The following NEXMIF variants were observed in gnomAD, a reference collection of about 807,000 sequenced individuals.
NEXMIF encodes neurite extension and migration factor.
NEXMIF carries 8 observed loss-of-function variants against 62.1 expected under a neutral mutation model. That is an observed-to-expected ratio of 0.13 (90% CI 0.08 to 0.23). The LOEUF (loss-of-function observed/expected upper bound fraction) is 0.23, where lower values mean the gene tolerates loss of function less well. Ranked by LOEUF, NEXMIF falls within the 10% of genes least tolerant of loss-of-function variation. The pLI is 1.00. For missense variants in NEXMIF, 976 were observed against 1,113.3 expected (o/e 0.88, Z 1.75); for synonymous variants, 404 against 416.6 (o/e 0.97, Z 0.37).
chrX:74,828,367 T>C (rs2080425143), intron 1 of NEXMIF, among the ~76,000 whole-genome samples: 1 of 112,092 alleles, frequency 8.9e-6, no homozygotes, highest in African/African-American at 3.2e-5. Flanking sequence ...ACTACAACAC[T>C]TCAAAGACTC....
chrX:74,790,154 A>G (rs2080275145), intron 1 of NEXMIF, among the ~76,000 whole-genome samples: 1 of 108,581 alleles, frequency 9.2e-6, no homozygotes, highest in African/African-American at 3.3e-5. Context: ...ATTTTTGTAT[A>G]AGGTGTAAGG....
In NEXMIF at chrX:74,741,700, T is replaced by A. The variant is rs2080104647; in HGVS notation, c.2857A>T (p.Met953Leu). The change falls in exon 3 of 4, where the codon ATG (methionine) becomes TTG (leucine). Residue 953 changes from methionine (M) to leucine (L), a missense_variant. Met to Leu is a conservative substitution (Grantham distance 15). This residue lies in a region of NEXMIF where 639 missense variants were observed against 694.5 expected (regional missense o/e 0.92). Transcript: ENST00000055682. The part of the protein sequence containing the change: ...SNCNKVLYDS[M>L]QDTQLPSDDS... The stretch of plus-strand genomic sequence containing the variant: ...TCAGATGGGAGTTGGGTATCTTGCA[T>A]GGAGTCATACAGGACCTTGTTGCAA... The A allele has an allele frequency of 1.7e-6, 2 of 1,210,107 alleles. No homozygotes were observed. The highest frequency in any genetic ancestry group is 1.1e-6 in the Non-Finnish European group (1 of 895,124).
At chrX:74,878,397 T>G (rs1280393343) in intron 1 of NEXMIF, among the ~76,000 whole-genome samples, 3 of 112,396 alleles carry the variant, frequency 2.7e-5, no homozygotes, top group African/African-American at 9.7e-5. Context: ...TTCAAAGCTG[T>G]CAGACAGGGA....
chrX:74,771,043 CTGCATACTCTATACCTTTATCAAAATT>C (rs1269210729), intron 1 of NEXMIF, among the ~76,000 whole-genome samples: 2 of 112,101 alleles, frequency 1.8e-5, no homozygotes, highest in Non-Finnish European at 3.8e-5. Flanking sequence ...TCCCACACAT[CTGCATACTCTATACCTTTATCAAAATT>C]TGCATACTCT....
chrX:74,833,662 C>T (rs138061888), intron 1 of NEXMIF, among the ~76,000 whole-genome samples: 1,829 of 111,034 alleles, frequency 0.016, 34 homozygotes, highest in Admixed American at 0.07. Context: ...TCCTACTTCC[C>T]TTCCTTTCCT....
chrX:74,795,258 A>C (rs2080302721), intron 1 of NEXMIF, among the ~76,000 whole-genome samples: 1 of 112,362 alleles, frequency 8.9e-6, no homozygotes, highest in Non-Finnish European at 1.9e-5. Flanking sequence ...TTTATTCCTA[A>C]TTTCTCAAAG....
chrX:74,752,319 G>A (rs747846316), intron 1 of NEXMIF, among the ~76,000 whole-genome samples: 6 of 110,577 alleles, frequency 5.4e-5, no homozygotes, highest in African/African-American at 9.9e-5. Flanking sequence ...TGCTGCTGGC[G>A]GCGACAGGGC....
chrX:74,781,440 A>G (rs1345244223), intron 1 of NEXMIF, among the ~76,000 whole-genome samples: 3 of 111,645 alleles, frequency 2.7e-5, no homozygotes, highest in African/African-American at 9.8e-5. Flanking sequence ...GAAGGAGGAG[A>G]AGAGGGAGAA....
At chrX:74,754,312 A>ATT (rs576345364) in intron 1 of NEXMIF, among the ~76,000 whole-genome samples, 2 of 80,585 alleles carry the variant, frequency 2.5e-5, no homozygotes, top group African/African-American at 9.3e-5. Flanking sequence ...TTATTTTTTT[A>ATT]TTTTTTTTTT....
chrX:74,832,973 A>G (rs1326606690), intron 1 of NEXMIF, among the ~76,000 whole-genome samples: 1 of 111,990 alleles, frequency 8.9e-6, no homozygotes. Flanking sequence ...ATTGTATGAG[A>G]GAAGATGCTT....
chrX:74,855,326 T>C (rs1166360409), intron 1 of NEXMIF, among the ~76,000 whole-genome samples: 2 of 111,990 alleles, frequency 1.8e-5, no homozygotes, highest in Non-Finnish European at 3.8e-5. Flanking sequence ...AATACTCTCT[T>C]CAATACATGT....
intron 1 of NEXMIF, among the ~76,000 whole-genome samples, chrX:74,796,200 ACATATATAT>A (rs2080308581): frequency 1.5e-5 from 1 of 65,527 alleles, no homozygotes; most frequent in Non-Finnish European, 2.7e-5. Context: ...TTATATATAT[ACATATATAT>A]TATATATATA....
At chrX:74,761,235 A>G (rs2080175011) in intron 1 of NEXMIF, among the ~76,000 whole-genome samples, 1 of 111,199 alleles carries the variant, frequency 9.0e-6, no homozygotes, top group Non-Finnish European at 1.9e-5. Context: ...GCCTCATAGA[A>G]TGAGTTAGAG....
At chrX:74,900,320 C>T (rs780282262) in intron 1 of NEXMIF, among the ~76,000 whole-genome samples, 43 of 109,376 alleles carry the variant, frequency 3.9e-4, no homozygotes, top group African/African-American at 1.2e-3. Context: ...AAAAATTAGA[C>T]GGGTGTGGTG....
chrX:74,836,281 CCCA>C (rs2080456213), intron 1 of NEXMIF, among the ~76,000 whole-genome samples: 1 of 112,743 alleles, frequency 8.9e-6, no homozygotes, highest in South Asian at 3.6e-4. Context: ...GTTGCTCTAC[CCCA>C]CTTTGGTCAA....
chrX:74,867,666 A>G (rs2080585170), intron 1 of NEXMIF, among the ~76,000 whole-genome samples: 1 of 112,347 alleles, frequency 8.9e-6, no homozygotes, highest in African/African-American at 3.2e-5. Flanking sequence ...TGTAAAACCC[A>G]AAACTATATA....
chrX:74,868,579 G>A (rs2080588463), intron 1 of NEXMIF, among the ~76,000 whole-genome samples: 1 of 92,370 alleles, frequency 1.1e-5, no homozygotes, highest in Non-Finnish European at 2.1e-5. Context: ...TGGACAATGA[G>A]ACCACATGGA....
chrX:74,813,551 C>T (rs2147475822), intron 1 of NEXMIF, among the ~76,000 whole-genome samples: 1 of 112,076 alleles, frequency 8.9e-6, no homozygotes, highest in Non-Finnish European at 1.9e-5. Context: ...AATAAGCATC[C>T]TGTGAAAGCA....
At position 74,794,287 on chromosome X, in the gene NEXMIF, C is replaced by T. The variant is rs1374728026; in HGVS notation, c.-47-48590G>A. On this transcript the variant is annotated intron_variant, in intron 1 of 3. Transcript: ENST00000055682. ...GGGGGTGCCTCCCAGTTAGGCTGCT[C>T]GGGGGTCAGGGGTCAGGGACCCACT... 9.4e-5 allele frequency among the ~76,000 whole-genome samples: 10 copies of T among 106,924 alleles called. No individual in the cohort carries two copies. In the South Asian group the frequency reaches 1.3e-3, roughly 14 times the overall value. 92.9% of individuals were successfully genotyped at this position (106,924 alleles called of 115,157 possible). A position where few individuals can be genotyped will look rare whatever the true frequency, so the allele number is the denominator to read the frequency against.
Sources: gnomAD v4.1 joint callset for allele counts (sites outside exome capture counted in the v4.1 genomes callset) on GRCh38, gnomAD v4.1.1 for gene constraint, gnomAD v4.1.1 regional missense constraint, MANE v1.5 for transcripts, NCBI Gene and HGNC (gene_info 2026-07-23, HGNC 2026-07-21) for gene names.